Variants in AJAP1 observed in about 807,000 individuals in gnomAD.
AJAP1 encodes the protein adherens junction-associated protein 1.
AJAP1 carries 5 observed loss-of-function variants against 35.0 expected under a neutral mutation model. That is an observed-to-expected ratio of 0.14 (90% CI 0.07 to 0.30). AJAP1 has a LOEUF of 0.30. Among genes scored for constraint, AJAP1 ranks in the 10% least tolerant of loss-of-function variants. The pLI, the probability that AJAP1 is intolerant of heterozygous loss-of-function variation, is 1.00. For missense variants in AJAP1, 586 were observed against 571.0 expected (o/e 1.03, Z -0.27); for synonymous variants, 284 against 249.3 (o/e 1.14, Z -1.31).
At chr1:4,661,901 TTAAAAA>T (rs1639006943) in intron 1 of AJAP1, among the ~76,000 whole-genome samples, 2 of 152,158 alleles carry the variant, frequency 1.3e-5, no homozygotes, top group African/African-American at 2.4e-5. Flanking sequence ...TATTTAATAA[TTAAAAA>T]TAAATATGTC....
chr1:4,712,126 G>A lies in AJAP1; in HGVS notation c.256G>A (p.Val86Met), dbSNP rs2100266323. ...APVWSPRPPR[V>M]ERIHGQMQMP... is the part of the protein sequence containing the mutation. ...GGTGTGGAGCCCCCGGCCGCCCCGA[G>A]TGGAGCGGATCCACGGGCAGATGCA... The change falls in exon 2 of 6, where the codon GTG becomes ATG. Residue 86 changes from valine to methionine, a missense_variant. Transcript: ENST00000378191. 1 of 1,548,954 alleles carries A rather than the reference G, an allele frequency of 6.5e-7. No homozygotes were observed. The highest frequency in any genetic ancestry group is 8.7e-7 in the Non-Finnish European group (1 of 1,154,714).
At chr1:4,718,377 A>G (rs1376837356) in intron 2 of AJAP1, among the ~76,000 whole-genome samples, 4 of 152,086 alleles carry the variant, frequency 2.6e-5, no homozygotes, top group African/African-American at 9.7e-5. Flanking sequence ...GTCCTTCTTA[A>G]GCTTCTTCAT....
intron 2 of AJAP1, among the ~76,000 whole-genome samples, chr1:4,722,167 C>T (rs1320457415): frequency 2.0e-5 from 3 of 152,290 alleles, no homozygotes; most frequent in South Asian, 2.1e-4. Flanking sequence ...TTGATTTATT[C>T]GGTGGTTGCA....
intron 2 of AJAP1, among the ~76,000 whole-genome samples, chr1:4,757,551 G>T (rs1438757464): frequency 6.6e-6 from 1 of 152,224 alleles, no homozygotes; most frequent in Non-Finnish European, 1.5e-5. Flanking sequence ...AGGGGGTGAG[G>T]ATTTGGGATC....
At chr1:4,698,050 G>A (rs762523470) in intron 1 of AJAP1, among the ~76,000 whole-genome samples, 1 of 152,208 alleles carries the variant, frequency 6.6e-6, no homozygotes. Context: ...GCAGAGCCTC[G>A]CTTCTTTTCA....
At chr1:4,668,019 A>G (rs6666521) in intron 1 of AJAP1, among the ~76,000 whole-genome samples, 4,391 of 152,252 alleles carry the variant, frequency 0.029, 186 homozygotes, top group African/African-American at 0.097. Flanking sequence ...GTTCAAGACC[A>G]GCCTGGCCAA....
intron 1 of AJAP1, among the ~76,000 whole-genome samples, chr1:4,710,211 GAC>G (rs925748518): frequency 5.9e-5 from 9 of 151,448 alleles, no homozygotes; most frequent in African/African-American, 1.9e-4. Context: ...CATACACACT[GAC>G]ACACACGAGC....
At chr1:4,748,747 C>CAAAAAAAA (rs70955802) in intron 2 of AJAP1, among the ~76,000 whole-genome samples, 26 of 98,288 alleles carry the variant, frequency 2.6e-4, no homozygotes, top group South Asian at 4.3e-4. Flanking sequence ...GACTCTGTCT[C>CAAAAAAAA]AAAAAAAAAA....
At chr1:4,713,718 C>T (rs1640321815) in intron 2 of AJAP1, among the ~76,000 whole-genome samples, 1 of 152,260 alleles carries the variant, frequency 6.6e-6, no homozygotes, top group Non-Finnish European at 1.5e-5. Context: ...TAGATCTGTG[C>T]ATACACATTC....
At chr1:4,766,623 G>A (rs1472990131) in intron 2 of AJAP1, among the ~76,000 whole-genome samples, 1 of 152,174 alleles carries the variant, frequency 6.6e-6, no homozygotes, top group African/African-American at 2.4e-5. Flanking sequence ...GAGCCCAGGA[G>A]CCCATTGAAA....
chr1:4,722,867 G>C (rs2100285025), intron 2 of AJAP1, among the ~76,000 whole-genome samples: 1 of 152,304 alleles, frequency 6.6e-6, no homozygotes, highest in South Asian at 2.1e-4. Flanking sequence ...AGTTGGGTTG[G>C]GACAGGTCAG....
intron 2 of AJAP1, among the ~76,000 whole-genome samples, chr1:4,751,730 G>A (rs1387706982): frequency 1.3e-5 from 2 of 152,254 alleles, no homozygotes; most frequent in African/African-American, 2.4e-5. Context: ...ATGGCAGTTT[G>A]TCCAGGAATA....
chr1:4,777,498 G>A (rs1237533780), intron 5 of AJAP1: 2 of 152,228 alleles, frequency 1.3e-5, no homozygotes, highest in African/African-American at 4.8e-5. Context: ...GACCACCTTT[G>A]TGGTGGGGCC....
At chr1:4,708,808 C>A (rs1483697570) in intron 1 of AJAP1, among the ~76,000 whole-genome samples, 1 of 150,630 alleles carries the variant, frequency 6.6e-6, no homozygotes, top group Non-Finnish European at 1.5e-5. Context: ...ATGGGAGGGG[C>A]TTTCCCCCTG....
intron 1 of AJAP1, among the ~76,000 whole-genome samples, chr1:4,709,638 G>A (rs1428008346): frequency 1.3e-5 from 2 of 152,194 alleles, no homozygotes; most frequent in Non-Finnish European, 2.9e-5. Flanking sequence ...CCACAGAGGA[G>A]CTACCTTAGT....
intron 2 of AJAP1, among the ~76,000 whole-genome samples, chr1:4,753,291 A>G (rs898090630): frequency 6.6e-6 from 1 of 152,164 alleles, no homozygotes; most frequent in Non-Finnish European, 1.5e-5. Context: ...TTAAGGCCCA[A>G]GAGAACACCT....
chr1:4,769,717 GC>G (rs1161806271), intron 2 of AJAP1, 135 bp from the exon 3 acceptor site: 1 of 754,874 alleles, frequency 1.3e-6, no homozygotes, highest in African/African-American at 1.7e-5. Flanking sequence ...CTGTCATGCT[GC>G]CCCGAGTTCC....
Position 4,655,276 on chromosome 1 carries a change from C to G in AJAP1, c.-150C>G. 2.3e-6 allele frequency: 1 copy of G among 441,036 alleles called. No homozygotes were observed. Among genetic ancestry groups the G allele is most frequent in the Non-Finnish European group, 3.1e-6 (1 of 317,858 alleles). 27.3% of individuals were successfully genotyped at this position (441,036 alleles called of 1,614,324 possible). A position where few individuals can be genotyped will look rare whatever the true frequency, so the allele number is the denominator to read the frequency against. On this transcript the variant is annotated 5_prime_UTR_variant, in exon 1 of 6. Coordinates refer to ENST00000378191, the MANE Select transcript of AJAP1 (RefSeq NM_018836.4). The surrounding 1 kb of genome is among the most constrained non-coding windows in gnomAD (Gnocchi z 6.9). ...GGAGCCCCGCGCGGCCGCGCTCTGA[C>G]TCGCTGTGCGCCCCGCGGCCGGCGG...
intron 5 of AJAP1, among the ~76,000 whole-genome samples, chr1:4,775,910 C>T (rs533817473): frequency 6.6e-6 from 1 of 152,234 alleles, no homozygotes; most frequent in Non-Finnish European, 1.5e-5. Flanking sequence ...GGAGTGCCAA[C>T]CAAGCTAGCC....
Sources: allele counts gnomAD v4.1 joint callset (sites outside exome capture counted in the v4.1 genomes callset), GRCh38; gene constraint gnomAD v4.1.1; non-coding constraint Gnocchi (gnomAD v3.1); transcripts MANE v1.5; gene names NCBI Gene and HGNC (gene_info 2026-07-23, HGNC 2026-07-21).